Variants in ABCC8 observed in about 807,000 individuals in gnomAD.
ABCC8 encodes ATP-binding cassette sub-family C member 8.
Under a neutral mutation model 188.0 loss-of-function variants are expected in ABCC8, and 137 were observed. The ratio of observed to expected loss-of-function variants is 0.73; its 90% CI spans 0.63 to 0.84. The LOEUF (loss-of-function observed/expected upper bound fraction) is 0.84. Among genes scored for constraint, ABCC8 ranks in the 40% least tolerant of loss-of-function variants. The pLI, the probability that ABCC8 is intolerant of heterozygous loss-of-function variation, is 0.00. For synonymous variants in ABCC8, 797 were observed against 846.5 expected, an observed-to-expected ratio of 0.94 and a Z score of 1.01; for missense variants, 1,750 against 2,072.7, an observed-to-expected ratio of 0.84 and a Z score of 3.02.
At chr11:17,432,027 C>A (rs144718518) in intron 11 of ABCC8, among the ~76,000 whole-genome samples, 177 bp downstream of exon 11, 10 of 152,272 alleles carry the variant, frequency 6.6e-5, no homozygotes, top group Admixed American at 2.0e-4. Context: ...GGCCCCTGTT[C>A]GGCTGGAGTT....
At position 17,404,470 on chromosome 11, in the gene ABCC8, C is replaced by T; in HGVS notation, c.3557+42G>A. On this transcript the variant is annotated intron_variant, in intron 28 of 38. Transcript: ENST00000389817. This position sits in a 1 kb window ranked among gnomAD's most constrained non-coding sequence, Gnocchi z 4.7. Reference sequence around the variant, plus strand: ...AGTCTAGCAAGTACACCAAACTGCACATTGCAAAGCACCTCCCACCCCTCA... The same window carrying T: ...AGTCTAGCAAGTACACCAAACTGCATATTGCAAAGCACCTCCCACCCCTCA... The T allele has an allele frequency of 1.9e-6, 3 of 1,572,712 alleles. No individual in the cohort carries two copies. Among genetic ancestry groups the T allele is most frequent in the South Asian group, 2.2e-5 (2 of 90,236 alleles).
In ABCC8 at chr11:17,416,872, C is replaced by A. The variant is rs577540275; in HGVS notation, c.2255+58G>T. On this transcript the variant is annotated intron_variant, in intron 17 of 38. Coordinates refer to ENST00000389817, the MANE Select transcript of ABCC8 (RefSeq NM_000352.6). The stretch of plus-strand genomic sequence containing the variant: ...ATTACCCACCCACAAGTCCTCCACC[C>A]CCACCCTACCCCTTCCCTTTGTTGA... 1.9e-6 allele frequency: 3 copies of A among 1,599,144 alleles called. No homozygotes were observed. In the African/African-American group the frequency reaches 4.0e-5, roughly 21 times the overall value.
chr11:17,408,694 C>G, intron 22 of ABCC8, 177 bp from the exon 23 acceptor site: 1 of 520,840 alleles, frequency 1.9e-6, no homozygotes, highest in Non-Finnish European at 2.5e-6. Context: ...CCAACATACT[C>G]CTAGGACCTA....
At position 17,397,589 on chromosome 11, in the gene ABCC8, G is replaced by A. The variant is rs1591716348; in HGVS notation, c.3867+95C>T. 50 of 1,495,948 alleles carry A rather than the reference G, an allele frequency of 3.3e-5. No individual in the cohort carries two copies. The East Asian group carries it at 1.2e-3, about 36-fold the overall frequency. 92.7% of individuals were successfully genotyped at this position (1,495,948 alleles called of 1,614,324 possible). The stretch of plus-strand genomic sequence containing the variant: ...GGCATCAGATGCAAATGAAATTGGG[G>A]TAAGGCCTGGGAGTGTCTCATGTCT... On this transcript the variant is annotated intron_variant, in intron 31 of 38. Transcript: ENST00000389817.
At position 17,470,242 on chromosome 11, in the gene ABCC8, C is replaced by T. The variant is rs779340910; in HGVS notation, c.291-20G>A. ...GTCACCCTGAGATGGGAGAGAGAAA[C>T]AGACAGGATGGGGACATGCTAAGTA... On this transcript the variant is annotated intron_variant, in intron 2 of 38. Transcript: ENST00000389817. The T allele has an allele frequency of 3.1e-6, 5 of 1,614,006 alleles. No individual in the cohort carries two copies. Among genetic ancestry groups the T allele is most frequent in the South Asian group, 1.1e-5 (1 of 91,062 alleles).
Position 17,427,111 on chromosome 11 carries a change from G to A in ABCC8, c.2160C>T (p.Ser720=), listed in dbSNP as rs1449419749. Residue 720 remains serine, a synonymous_variant, in exon 16 of 39, where the codon TCC becomes TCT. Coordinates refer to ENST00000389817, the MANE Select transcript of ABCC8 (RefSeq NM_000352.6). The surrounding 1 kb of genome is among the most constrained non-coding windows in gnomAD (Gnocchi z 5.0). ...CCCCCAGTGCGGCTAGAAGGAGCGA[G>A]GACTTGCCGCAGCCCACCTGCCCCA... ...MIVGQVGCGK[S]SLLLAALGEM... 1.9e-6 allele frequency: 3 copies of A among 1,613,904 alleles called. No individual in the cohort carries two copies. The highest frequency in any genetic ancestry group is 2.5e-6 in the Non-Finnish European group (3 of 1,179,910).
chr11:17,443,120 C>T, intron 9 of ABCC8, 58 bp downstream of exon 9: 3 of 1,594,388 alleles, frequency 1.9e-6, no homozygotes, highest in Non-Finnish European at 2.6e-6. Flanking sequence ...AGGAGACCTG[C>T]TGCTGTCGAG....
At chr11:17,411,121 T>C (rs1954784869) in intron 21 of ABCC8, among the ~76,000 whole-genome samples, 1 of 152,212 alleles carries the variant, frequency 6.6e-6, no homozygotes, top group Non-Finnish European at 1.5e-5. Flanking sequence ...CCACCCATCC[T>C]TCGCTCACCT....
intron 16 of ABCC8, among the ~76,000 whole-genome samples, chr11:17,422,945 C>T (rs1955410848): frequency 1.3e-5 from 2 of 152,036 alleles, no homozygotes; most frequent in South Asian, 4.2e-4. Flanking sequence ...CTTGATGAAA[C>T]CACACTCATC....
chr11:17,428,419 G>A lies in ABCC8; in HGVS notation c.1924-14C>T, dbSNP rs779138259. On this transcript the variant is annotated splice_polypyrimidine_tract_variant and intron_variant, in intron 13 of 38. Transcript: ENST00000389817. ...AACCCTGAGGGGCTGGGGGTGGTTTGGAGGTGAGGACCCACTGGGCTGGGA... is the reference window on the plus strand; with the variant it reads ...AACCCTGAGGGGCTGGGGGTGGTTTAGAGGTGAGGACCCACTGGGCTGGGA... 6.2e-7 allele frequency: 1 copy of A among 1,611,416 alleles called. No individual in the cohort carries two copies. The highest frequency in any genetic ancestry group is 2.2e-5 in the East Asian group (1 of 44,764).
chr11:17,414,547 C>T lies in ABCC8; in HGVS notation c.2355G>A (p.Glu785=). The change falls in exon 19 of 39, where the codon GAG becomes GAA. Residue 785 remains glutamate (E), a synonymous_variant. Coordinates refer to ENST00000389817, the MANE Select transcript of ABCC8 (RefSeq NM_000352.6). ...TGAAGGGACTCTCAAAGATGATGTT[C>T]TCCTCCACAGTGGCATTTAGCAGCC... ...KPWLLNATVE[E]NIIFESPFNK... is the part of the protein sequence containing the mutation. The T allele has an allele frequency of 6.2e-7, 1 of 1,614,250 alleles. No individual in the cohort carries two copies. The highest frequency in any genetic ancestry group is 8.5e-7 in the Non-Finnish European group (1 of 1,180,050).
Position 17,453,289 on chromosome 11 carries a change from GGAAAGA to G in ABCC8, c.1012-12_1012-7del. 3.1e-6 allele frequency: 5 copies of G among 1,614,038 alleles called. No homozygotes were observed. The highest frequency in any genetic ancestry group is 4.2e-6 in the Non-Finnish European group (5 of 1,179,994). Reference sequence around the variant, plus strand: ...TAAACCCCGAGAAATTGTGTCTGTTGGAAAGAGAAGTTCAGAGGTGACTGTCATTGC... The same window carrying G: ...TAAACCCCGAGAAATTGTGTCTGTTGGAAGTTCAGAGGTGACTGTCATTGC... On this transcript the variant is annotated splice_polypyrimidine_tract_variant and splice_region_variant and intron_variant, in intron 6 of 38. Coordinates refer to ENST00000389817, the MANE Select transcript of ABCC8 (RefSeq NM_000352.6).
chr11:17,455,011 A>C (rs923374472), intron 6 of ABCC8, among the ~76,000 whole-genome samples: 1 of 152,214 alleles, frequency 6.6e-6, no homozygotes, highest in Admixed American at 6.5e-5. Context: ...TGTCCTCTGC[A>C]GAGACGCAGC....
chr11:17,402,078 C>CT, intron 29 of ABCC8, among the ~76,000 whole-genome samples: 1 of 152,328 alleles, frequency 6.6e-6, no homozygotes, highest in African/African-American at 2.4e-5. Context: ...TTTGACTCAT[C>CT]TTTTTAGTGC....
chr11:17,394,862 G>A (rs1953825327), intron 36 of ABCC8, among the ~76,000 whole-genome samples: 1 of 152,208 alleles, frequency 6.6e-6, no homozygotes, highest in African/African-American at 2.4e-5. Flanking sequence ...GCATGCAGGT[G>A]GATGGGGCAG....
rs1206130380 is a variant in ABCC8, at chr11:17,428,311, T to C, written c.2018A>G (p.Asp673Gly). ...LQSLVPSADGDADNCCVQIMG... is the reference protein window; with the variant it reads ...LQSLVPSADGGADNCCVQIMG... ...CACCTGGACACAGCAGTTGTCAGCA[T>C]CGCCATCTGCACTGGGGACCAGGCT... The change falls in exon 14 of 39, where the codon GAT becomes GGT. Residue 673 changes from aspartate to glycine, a missense_variant. Transcript: ENST00000389817. The C allele has an allele frequency of 6.2e-7, 1 of 1,614,152 alleles. No individual in the cohort carries two copies. Among genetic ancestry groups the C allele is most frequent in the Admixed American group, 1.7e-5 (1 of 60,024 alleles).
At position 17,443,321 on chromosome 11, in the gene ABCC8, G is replaced by C; in HGVS notation, c.1333-9C>G. 2 of 1,614,046 alleles carry C rather than the reference G, an allele frequency of 1.2e-6. No homozygotes were observed. Among genetic ancestry groups the C allele is most frequent in the South Asian group, 1.1e-5 (1 of 91,068 alleles). ...ATCACACCCACAATGATCTGAGGAA[G>C]GGGTCATGGGTCAGGTCCCTTTGAC... On this transcript the variant is annotated splice_polypyrimidine_tract_variant and intron_variant, in intron 8 of 38. Coordinates refer to ENST00000389817, the MANE Select transcript of ABCC8 (RefSeq NM_000352.6).
At chr11:17,455,879 C>A (rs568857803) in intron 6 of ABCC8, among the ~76,000 whole-genome samples, 1 of 144,362 alleles carries the variant, frequency 6.9e-6, no homozygotes, top group Admixed American at 7.4e-5. Flanking sequence ...GCAGAGGTTG[C>A]AGTGAGCTAA....
intron 4 of ABCC8, 63 bp from the exon 5 acceptor site, chr11:17,461,888 C>T (rs2133681035): frequency 1.9e-6 from 3 of 1,607,144 alleles, no homozygotes; most frequent in South Asian, 2.2e-5. Context: ...CCTACCTTGC[C>T]CCAGCAAGGA....
Sources: allele counts gnomAD v4.1 joint callset (sites outside exome capture counted in the v4.1 genomes callset), GRCh38; gene constraint gnomAD v4.1.1; non-coding constraint Gnocchi (gnomAD v3.1); transcripts MANE v1.5; gene names NCBI Gene and HGNC (gene_info 2026-07-23, HGNC 2026-07-21).